The following CALCR variants were observed in gnomAD, a reference collection of about 807,000 sequenced individuals.
The protein encoded by CALCR is calcitonin receptor.
A neutral mutation model predicts 59.5 loss-of-function variants in CALCR; 47 were observed. The ratio of observed to expected loss-of-function variants is 0.79; its 90% CI spans 0.63 to 1.01. The LOEUF is 1.01. CALCR is among the 50% of genes least tolerant of loss of function. The probability of loss-of-function intolerance (pLI) is 0.00; values close to 1 mark genes in which losing one functional copy is unlikely to be tolerated. For missense variants in CALCR, 566 were observed against 597.1 expected (o/e 0.95, Z 0.54); for synonymous variants, 213 against 211.3 (o/e 1.01, Z -0.07).
intron 5 of CALCR, among the ~76,000 whole-genome samples, chr7:93,474,235 T>C (rs1055778412): frequency 2.6e-5 from 4 of 151,726 alleles, no homozygotes; most frequent in African/African-American, 7.2e-5. Flanking sequence ...GTGGTCAGAA[T>C]GGTGAGATAA....
chr7:93,502,557 A>T (rs1760525004), intron 2 of CALCR, among the ~76,000 whole-genome samples: 1 of 152,270 alleles, frequency 6.6e-6, no homozygotes, highest in Admixed American at 6.5e-5. Context: ...TAAGCTGTAA[A>T]CAACTCTATA....
At chr7:93,440,998 A>T (rs779965789) in intron 9 of CALCR, among the ~76,000 whole-genome samples, 17 of 152,138 alleles carry the variant, frequency 1.1e-4, no homozygotes, top group Non-Finnish European at 1.9e-4. Flanking sequence ...GATACAGCTG[A>T]GCAGCTTGTT....
At chr7:93,569,443 C>T (rs1196410168) in intron 2 of CALCR, among the ~76,000 whole-genome samples, 1 of 152,138 alleles carries the variant, frequency 6.6e-6, no homozygotes, top group East Asian at 1.9e-4. Flanking sequence ...GCCTGTAACA[C>T]TTCATTTCTT....
At chr7:93,466,612 T>C (rs1194435855) in intron 7 of CALCR, among the ~76,000 whole-genome samples, 2 of 151,896 alleles carry the variant, frequency 1.3e-5, no homozygotes, top group Non-Finnish European at 2.9e-5. Context: ...TTTCAGTTCA[T>C]TTCTTCTCAT....
chr7:93,523,920 C>A (rs962196755), intron 2 of CALCR, among the ~76,000 whole-genome samples: 1 of 151,856 alleles, frequency 6.6e-6, no homozygotes, highest in African/African-American at 2.4e-5. Context: ...CATATTACTG[C>A]CTAATAATTT....
chr7:93,441,921 T>C (rs935008046), intron 9 of CALCR, among the ~76,000 whole-genome samples: 1 of 152,116 alleles, frequency 6.6e-6, no homozygotes, highest in Non-Finnish European at 1.5e-5. Context: ...TTCAGTTGGA[T>C]CAATCAGATT....
intron 2 of CALCR, among the ~76,000 whole-genome samples, chr7:93,514,581 G>T (rs946986054): frequency 1.3e-5 from 2 of 151,820 alleles, no homozygotes; most frequent in Non-Finnish European, 2.9e-5. Flanking sequence ...CCACTCTATT[G>T]CTGCTACCAA....
intron 3 of CALCR, among the ~76,000 whole-genome samples, chr7:93,482,160 T>C (rs1236599410): frequency 6.6e-6 from 1 of 151,884 alleles, no homozygotes; most frequent in Non-Finnish European, 1.5e-5. Flanking sequence ...AGGGATTCCA[T>C]GTTGAGGTTT....
chr7:93,465,196 T>A (rs923715449), intron 7 of CALCR, among the ~76,000 whole-genome samples: 7 of 151,998 alleles, frequency 4.6e-5, no homozygotes, highest in African/African-American at 1.7e-4. Context: ...GCTTACATAT[T>A]TAGGATTATT....
Position 93,564,913 on chromosome 7 carries a change from C to T in CALCR, c.-27+9376G>A, listed in dbSNP as rs140316532. ...TTGTGGAAAGACTCAAACAGTGAGG[C>T]TTTTCCTTAGGAAGGCTGGCTTCTA... On this transcript the variant is annotated intron_variant, in intron 2 of 13. Coordinates refer to ENST00000426151, the MANE Select transcript of CALCR (RefSeq NM_001742.4). Among the ~76,000 whole-genome samples, 12 of 152,272 alleles carry T rather than the reference C, an allele frequency of 7.9e-5. No homozygotes were observed. The East Asian group carries it at 2.1e-3, about 27-fold the overall frequency.
intron 2 of CALCR, among the ~76,000 whole-genome samples, chr7:93,518,090 G>A (rs1417535054): frequency 1.3e-5 from 2 of 151,860 alleles, no homozygotes; most frequent in African/African-American, 4.8e-5. Context: ...ATAAAAATAT[G>A]TGTATTTTTG....
At chr7:93,465,824 G>A (rs947818241) in intron 7 of CALCR, among the ~76,000 whole-genome samples, 55 of 151,768 alleles carry the variant, frequency 3.6e-4, no homozygotes, top group Admixed American at 3.1e-3. Context: ...TAAGATTAAA[G>A]GCATGCTTTA....
At chr7:93,525,340 T>C (rs1214885329) in intron 2 of CALCR, among the ~76,000 whole-genome samples, 1 of 152,160 alleles carries the variant, frequency 6.6e-6, no homozygotes, top group Non-Finnish European at 1.5e-5. Flanking sequence ...CTGGCTTTGG[T>C]GTAACAGAAG....
intron 7 of CALCR, among the ~76,000 whole-genome samples, chr7:93,463,156 T>C (rs563058857): frequency 6.6e-6 from 1 of 152,040 alleles, no homozygotes; most frequent in African/African-American, 2.4e-5. Context: ...AATTCTTCAG[T>C]TTCGTATTAA....
intron 2 of CALCR, among the ~76,000 whole-genome samples, chr7:93,521,025 C>T (rs1410526658): frequency 6.6e-6 from 1 of 152,152 alleles, no homozygotes; most frequent in African/African-American, 2.4e-5. Context: ...AGTTGGCTCC[C>T]TGTGTAGGTG....
intron 2 of CALCR, among the ~76,000 whole-genome samples, chr7:93,541,414 C>T (rs1015486022): frequency 9.9e-5 from 15 of 152,176 alleles, no homozygotes; most frequent in East Asian, 5.8e-4. Flanking sequence ...CCGCCTGCCT[C>T]GGCCTCCCAA....
At chr7:93,569,380 A>G (rs1584638644) in intron 2 of CALCR, among the ~76,000 whole-genome samples, 1 of 152,070 alleles carries the variant, frequency 6.6e-6, no homozygotes. Context: ...CAACAAAAAT[A>G]CCTGTGGTTT....
intron 2 of CALCR, among the ~76,000 whole-genome samples, chr7:93,515,085 C>T (rs769976009): frequency 6.6e-6 from 1 of 151,950 alleles, no homozygotes; most frequent in Non-Finnish European, 1.5e-5. Context: ...AGTAGAAAAT[C>T]CTTTTTCTTC....
chr7:93,445,087 C>T (rs748457608), intron 8 of CALCR, among the ~76,000 whole-genome samples: 25 of 152,038 alleles, frequency 1.6e-4, no homozygotes, highest in Non-Finnish European at 2.9e-4. Flanking sequence ...ATGGCATTGT[C>T]AGAGGTAGAA....
Sources: gnomAD v4.1 joint callset for allele counts (sites outside exome capture counted in the v4.1 genomes callset) on GRCh38, gnomAD v4.1.1 for gene constraint, MANE v1.5 for transcripts, NCBI Gene and HGNC (gene_info 2026-07-23, HGNC 2026-07-21) for gene names.